Variants in MAML2 observed in about 807,000 individuals in gnomAD.
The protein encoded by MAML2 is mastermind like transcriptional coactivator 2, also known as mastermind-like protein 2.
MAML2 carries 22 observed loss-of-function variants against 96.1 expected under a neutral mutation model. The observed-to-expected ratio is 0.23, with a 90% CI of 0.16 to 0.33. The LOEUF (loss-of-function observed/expected upper bound fraction) is 0.33. Ranked by LOEUF, MAML2 falls within the 10% of genes least tolerant of loss-of-function variation. MAML2 has a pLI of 1.00. For synonymous variants in MAML2, 561 were observed against 521.3 expected, an observed-to-expected ratio of 1.08 and a Z score of -1.04; for missense variants, 1,367 against 1,392.4, an observed-to-expected ratio of 0.98 and a Z score of 0.29.
chr11:96,170,214 C>A (rs1308068741), intron 1 of MAML2, among the ~76,000 whole-genome samples: 1 of 152,230 alleles, frequency 6.6e-6, no homozygotes, highest in Non-Finnish European at 1.5e-5. Context: ...ATTTTCCAAC[C>A]TTTTCACAAA....
intron 1 of MAML2, among the ~76,000 whole-genome samples, chr11:96,216,004 A>AT (rs1324979407): frequency 2.6e-5 from 4 of 152,092 alleles, no homozygotes; most frequent in Non-Finnish European, 5.9e-5. Flanking sequence ...CATGTACTGC[A>AT]TATTTTGAGA....
At chr11:96,335,581 A>C (rs1053886724) in intron 1 of MAML2, among the ~76,000 whole-genome samples, 3 of 152,244 alleles carry the variant, frequency 2.0e-5, no homozygotes, top group African/African-American at 7.2e-5. Context: ...TAAGCAGCTC[A>C]AGGGACTTGA....
chr11:96,254,232 A>G (rs1007648363), intron 1 of MAML2, among the ~76,000 whole-genome samples: 3 of 152,206 alleles, frequency 2.0e-5, no homozygotes, highest in Non-Finnish European at 4.4e-5. Flanking sequence ...TTTTCTAGAA[A>G]GAGTTCTAAA....
At chr11:96,035,892 C>A (rs1162661905) in intron 2 of MAML2, among the ~76,000 whole-genome samples, 1 of 152,162 alleles carries the variant, frequency 6.6e-6, no homozygotes, top group Admixed American at 6.5e-5. Flanking sequence ...AGTTACATAA[C>A]CTCTCTGATA....
At chr11:96,023,673 A>G (rs1858471530) in intron 2 of MAML2, among the ~76,000 whole-genome samples, 1 of 152,194 alleles carries the variant, frequency 6.6e-6, no homozygotes, top group African/African-American at 2.4e-5. Context: ...GGCCCTGGAA[A>G]CATGAGGGTG....
At chr11:96,274,647 C>T (rs1043626413) in intron 1 of MAML2, among the ~76,000 whole-genome samples, 23 of 151,932 alleles carry the variant, frequency 1.5e-4, no homozygotes, top group Non-Finnish European at 2.9e-4. Flanking sequence ...TAAACTATTA[C>T]TAATGAAAAG....
chr11:96,309,515 C>T (rs866696620), intron 1 of MAML2, among the ~76,000 whole-genome samples: 9 of 152,126 alleles, frequency 5.9e-5, no homozygotes, highest in South Asian at 2.1e-4. Flanking sequence ...TGCTCACTCT[C>T]CCTTAATCTT....
At chr11:96,257,035 A>G (rs566575468) in intron 1 of MAML2, among the ~76,000 whole-genome samples, 1 of 152,362 alleles carries the variant, frequency 6.6e-6, no homozygotes, top group South Asian at 2.1e-4. Flanking sequence ...TACCTTGTAA[A>G]AATACAGTTT....
intron 1 of MAML2, among the ~76,000 whole-genome samples, chr11:96,126,414 C>T (rs1860438458): frequency 7.0e-6 from 1 of 142,386 alleles, no homozygotes; most frequent in Admixed American, 7.3e-5. Context: ...AAAAATTAGC[C>T]AGGTGTAGTA....
intron 2 of MAML2, among the ~76,000 whole-genome samples, chr11:96,031,271 G>T (rs1031941045): frequency 6.6e-6 from 1 of 152,014 alleles, no homozygotes. Context: ...TTTGTAAAAG[G>T]TACTTTTACA....
chr11:96,113,815 C>G (rs1860177347), intron 1 of MAML2, among the ~76,000 whole-genome samples: 1 of 151,994 alleles, frequency 6.6e-6, no homozygotes, highest in African/African-American at 2.4e-5. Flanking sequence ...CTACTGAGGC[C>G]TTGAAACCAC....
intron 1 of MAML2, among the ~76,000 whole-genome samples, chr11:96,287,170 C>T (rs1237746194): frequency 2.6e-5 from 4 of 152,172 alleles, no homozygotes; most frequent in Admixed American, 6.5e-5. Context: ...CCCACAAAAC[C>T]TGTTATTATA....
rs1352958741 is a variant in MAML2, at chr11:96,341,576, G to A, written c.320C>T (p.Pro107Leu). 1.3e-6 allele frequency: 2 copies of A among 1,551,348 alleles called. No individual in the cohort carries two copies. The highest frequency in any genetic ancestry group is 4.9e-5 in the East Asian group (2 of 40,920). Residue 107 changes from proline (P) to leucine (L), a missense_variant, in exon 1 of 5, where the codon CCG becomes CTG. Pro to Leu is a moderately conservative substitution (Grantham distance 98). Transcript: ENST00000524717. Reference sequence around the variant, plus strand: ...GGCCGCAGGAGGGGCAGCAGGGGGCGGTGGAGGGGCTGTAGTGGTGGCAGC... The same window carrying A: ...GGCCGCAGGAGGGGCAGCAGGGGGCAGTGGAGGGGCTGTAGTGGTGGCAGC... ...ATAATTTAPP[P>L]PPAAPPAASQ...
intron 1 of MAML2, among the ~76,000 whole-genome samples, chr11:96,117,357 G>A (rs1364750091): frequency 3.3e-5 from 5 of 150,928 alleles, no homozygotes; most frequent in African/African-American, 7.3e-5. Context: ...GTACAGTGGC[G>A]TGATCTCAGC....
chr11:96,215,269 G>A (rs887370834), intron 1 of MAML2, among the ~76,000 whole-genome samples: 1 of 152,184 alleles, frequency 6.6e-6, no homozygotes, highest in Non-Finnish European at 1.5e-5. Context: ...TGCTGGGGCA[G>A]GTTGCTGGGT....
intron 1 of MAML2, among the ~76,000 whole-genome samples, chr11:96,134,795 A>G (rs563353166): frequency 3.9e-5 from 6 of 152,212 alleles, no homozygotes; most frequent in Non-Finnish European, 7.3e-5. Flanking sequence ...GAAAGTCATA[A>G]ATACCACTGA....
At chr11:96,234,794 A>T (rs748749273) in intron 1 of MAML2, among the ~76,000 whole-genome samples, 3 of 152,214 alleles carry the variant, frequency 2.0e-5, no homozygotes, top group Non-Finnish European at 4.4e-5. Flanking sequence ...CCATTTTTTA[A>T]CTTCTGTTAA....
intron 1 of MAML2, among the ~76,000 whole-genome samples, chr11:96,273,513 C>A (rs1218535378): frequency 6.6e-6 from 1 of 152,112 alleles, no homozygotes; most frequent in Non-Finnish European, 1.5e-5. Context: ...AGCTTTCATC[C>A]TTATCCTTGT....
Position 96,093,111 on chromosome 11 carries a change from T to C in MAML2, c.920A>G (p.Gln307Arg), listed in dbSNP as rs2135813096. The change falls in exon 2 of 5, where the codon CAG becomes CGG. Residue 307 changes from glutamine to arginine, a missense_variant. Coordinates refer to ENST00000524717, the MANE Select transcript of MAML2 (RefSeq NM_032427.4). ...PGEQLMDPEL[Q>R]ELFNELTNIS... ...GTTGGTCAGTTCATTGAACAGTTCCTGCAGCTCAGGATCCATCAGTTGTTC... is the reference window on the plus strand; with the variant it reads ...GTTGGTCAGTTCATTGAACAGTTCCCGCAGCTCAGGATCCATCAGTTGTTC... 16 of 1,614,028 alleles carry C rather than the reference T, an allele frequency of 9.9e-6. No homozygotes were observed. The highest frequency in any genetic ancestry group is 1.4e-5 in the Non-Finnish European group (16 of 1,179,888).
Sources: gnomAD v4.1 joint callset for allele counts (sites outside exome capture counted in the v4.1 genomes callset) on GRCh38, gnomAD v4.1.1 for gene constraint, MANE v1.5 for transcripts, NCBI Gene and HGNC (gene_info 2026-07-23, HGNC 2026-07-21) for gene names.